Variants in UTRN observed in about 807,000 individuals in gnomAD.
UTRN encodes dystrophin-related protein 1.
UTRN carries 283 observed loss-of-function variants against 463.9 expected under a neutral mutation model. That is an observed-to-expected ratio of 0.61 (90% CI 0.55 to 0.67). The LOEUF is 0.67. UTRN is among the 30% of genes least tolerant of loss of function. The probability of loss-of-function intolerance (pLI) is 0.00; values close to 1 mark genes in which losing one functional copy is unlikely to be tolerated. For missense variants in UTRN, 3,922 were observed against 4,084.3 expected (o/e 0.96, Z 1.08); for synonymous variants, 1,442 against 1,431.5 (o/e 1.01, Z -0.17).
chr6:144,422,460 A>G (rs1784911147), intron 4 of UTRN, among the ~76,000 whole-genome samples: 1 of 152,158 alleles, frequency 6.6e-6, no homozygotes, highest in Non-Finnish European at 1.5e-5. Context: ...CTACTAAAAT[A>G]CAAAAAATTA....
At chr6:144,654,457 A>G (rs1295484771) in intron 51 of UTRN, among the ~76,000 whole-genome samples, 3 of 152,198 alleles carry the variant, frequency 2.0e-5, no homozygotes, top group Admixed American at 1.3e-4. Context: ...CCAGCTTTTT[A>G]CTTGTGACTG....
chr6:144,499,318 A>T lies in UTRN; in HGVS notation c.4655A>T (p.Glu1552Val). 6.2e-7 allele frequency: 1 copy of T among 1,613,818 alleles called. No homozygotes were observed. Among genetic ancestry groups the T allele is most frequent in the Non-Finnish European group, 8.5e-7 (1 of 1,179,782 alleles). The change falls in exon 34 of 75, where the codon GAG becomes GTG. Residue 1552 changes from glutamate (E) to valine (V), a missense_variant. Coordinates refer to ENST00000367545, the MANE Select transcript of UTRN (RefSeq NM_007124.3). The part of the protein sequence containing the change: ...ASQLARKMKK[E>V]AASLSEWLSA... ...CAGTTGGCCCGGAAAATGAAGAAAGAGGCTGCTTCTCTCTCTGAATGGCTT... is the reference window on the plus strand; with the variant it reads ...CAGTTGGCCCGGAAAATGAAGAAAGTGGCTGCTTCTCTCTCTGAATGGCTT...
At chr6:144,656,993 G>A (rs1411937829) in intron 51 of UTRN, among the ~76,000 whole-genome samples, 10 of 152,198 alleles carry the variant, frequency 6.6e-5, no homozygotes, top group East Asian at 1.9e-4. Flanking sequence ...GCTTACGCCT[G>A]TAATCCCAGC....
chr6:144,312,971 A>C (rs1775034387), intron 2 of UTRN, among the ~76,000 whole-genome samples: 2 of 152,208 alleles, frequency 1.3e-5, no homozygotes, highest in African/African-American at 4.8e-5. Flanking sequence ...AAATAAAATC[A>C]GAGTTTATTT....
At chr6:144,606,258 T>A (rs1223092536) in intron 51 of UTRN, among the ~76,000 whole-genome samples, 3 of 152,226 alleles carry the variant, frequency 2.0e-5, no homozygotes. Flanking sequence ...CTTCAAATCA[T>A]ATGCAGCTTA....
rs186337181 is a variant in UTRN, at chr6:144,397,888, T to C, written c.80-5235T>C. ...GGTGATGCTGGACAATTCATTTAAC[T>C]TCTGCCTCAGCCTTCTCCTTTGACA... On this transcript the variant is annotated intron_variant, in intron 2 of 74. Transcript: ENST00000367545. The C allele has an allele frequency of 2.7e-3, 409 of 153,954 alleles. 5 individuals are homozygous for C. In the Middle Eastern group the frequency reaches 0.033, roughly 13 times the overall value. 9.5% of individuals were successfully genotyped at this position (153,954 alleles called of 1,614,324 possible). A position where few individuals can be genotyped will look rare whatever the true frequency, so the allele number is the denominator to read the frequency against.
At chr6:144,505,072 G>A (rs1794583685) in intron 34 of UTRN, among the ~76,000 whole-genome samples, 1 of 152,084 alleles carries the variant, frequency 6.6e-6, no homozygotes, top group Non-Finnish European at 1.5e-5. Context: ...ATCTTCTGAT[G>A]GTAGTTTGTA....
chr6:144,693,984 T>C (rs1783703004), intron 52 of UTRN, among the ~76,000 whole-genome samples: 1 of 152,168 alleles, frequency 6.6e-6, no homozygotes, highest in Non-Finnish European at 1.5e-5. Context: ...TCAAGGGGAA[T>C]GCTTCCAGCT....
intron 37 of UTRN, among the ~76,000 whole-genome samples, chr6:144,515,904 T>C (rs749918923): frequency 6.6e-6 from 1 of 152,106 alleles, no homozygotes; most frequent in African/African-American, 2.4e-5. Flanking sequence ...GTGGCCATGG[T>C]AAGGATAGTT....
chr6:144,827,230 C>A, intron 66 of UTRN, 118 bp from the exon 67 acceptor site: 5 of 1,227,336 alleles, frequency 4.1e-6, no homozygotes, highest in Non-Finnish European at 1.2e-6. Context: ...GCTCTCAGGG[C>A]AACCACATAT....
At position 144,476,633 on chromosome 6, in the gene UTRN, G is replaced by A. The variant is rs376157704; in HGVS notation, c.3336+1874G>A. On this transcript the variant is annotated intron_variant, in intron 25 of 74. Coordinates refer to ENST00000367545, the MANE Select transcript of UTRN (RefSeq NM_007124.3). The stretch of plus-strand genomic sequence containing the variant: ...GCTAGAAGCTAAGGAGGAAAAATCA[G>A]TAACGGGGAATGTGGGGTCCCAAAT... Among the ~76,000 whole-genome samples the A allele has an allele frequency of 1.5e-3, 229 of 152,322 alleles. 2 individuals carry two copies. Among genetic ancestry groups the A allele is most frequent in the African/African-American group, 5.2e-3 (215 of 41,568 alleles).
At chr6:144,834,542 T>G (rs1253918390) in intron 69 of UTRN, among the ~76,000 whole-genome samples, 1 of 152,208 alleles carries the variant, frequency 6.6e-6, no homozygotes, top group Non-Finnish European at 1.5e-5. Flanking sequence ...AGTCCCTTCC[T>G]TGTTAGAGTA....
rs982566127 is a variant in UTRN at position 144,294,472 on chromosome 6, A to G, written c.79+2565A>G. Reference sequence around the variant, plus strand: ...CATAGGAATTGTCTACATATCATATATGTATTTTAAAGATCCTCTGTCTAC... The same window carrying G: ...CATAGGAATTGTCTACATATCATATGTGTATTTTAAAGATCCTCTGTCTAC... On this transcript the variant is annotated intron_variant, in intron 2 of 74. Coordinates refer to ENST00000367545, the MANE Select transcript of UTRN (RefSeq NM_007124.3). 1.7e-4 allele frequency among the ~76,000 whole-genome samples: 26 copies of G among 152,294 alleles called. No homozygotes were observed. The Middle Eastern group carries it at 0.01, about 60-fold the overall frequency.
At chr6:144,834,305 T>A (rs9376862) in intron 69 of UTRN, among the ~76,000 whole-genome samples, 80,164 of 151,960 alleles carry the variant, frequency 0.53, 23,928 homozygotes, top group East Asian at 0.96. Flanking sequence ...ACACACATGT[T>A]CATATCTATA....
intron 65 of UTRN, among the ~76,000 whole-genome samples, chr6:144,812,380 A>G (rs1194787299): frequency 1.3e-5 from 2 of 152,142 alleles, no homozygotes; most frequent in Non-Finnish European, 2.9e-5. Context: ...GCTTTTCTAC[A>G]TTCTAGATTC....
chr6:144,568,647 A>G (rs1800651698), intron 50 of UTRN, among the ~76,000 whole-genome samples: 1 of 152,204 alleles, frequency 6.6e-6, no homozygotes, highest in South Asian at 2.1e-4. Flanking sequence ...CCCGCCAGTC[A>G]TCTTTCGTTT....
intron 47 of UTRN, among the ~76,000 whole-genome samples, chr6:144,549,643 G>A (rs142637883): frequency 2.0e-5 from 3 of 152,274 alleles, no homozygotes; most frequent in African/African-American, 7.2e-5. Flanking sequence ...ACCTGTTGGG[G>A]GAGCCAGGAT....
chr6:144,836,223 A>G (rs1781090765), intron 70 of UTRN, 78 bp from the exon 71 acceptor site: 10 of 1,592,780 alleles, frequency 6.3e-6, no homozygotes, highest in Non-Finnish European at 8.6e-6. Context: ...CATGAGCTAA[A>G]TTTGAACCTC....
chr6:144,341,504 A>C (rs1256576870), intron 2 of UTRN, among the ~76,000 whole-genome samples: 1 of 152,210 alleles, frequency 6.6e-6, no homozygotes, highest in African/African-American at 2.4e-5. Context: ...TTCTCCCAGT[A>C]CTGCACTTTT....
Sources: gnomAD v4.1 joint callset for allele counts (sites outside exome capture counted in the v4.1 genomes callset) on GRCh38, gnomAD v4.1.1 for gene constraint, MANE v1.5 for transcripts, NCBI Gene and HGNC (gene_info 2026-07-23, HGNC 2026-07-21) for gene names.